The following TMEM156 variants were observed in gnomAD, a reference collection of about 807,000 sequenced individuals.
TMEM156 encodes transmembrane protein 156.
Under a neutral mutation model 30.5 loss-of-function variants are expected in TMEM156, and 28 were observed. The observed-to-expected ratio is 0.92, with a 90% CI of 0.68 to 1.26. TMEM156 has a LOEUF of 1.26. TMEM156 is among the 50% of genes most tolerant of loss of function. The pLI, the probability that TMEM156 is intolerant of heterozygous loss-of-function variation, is 0.00. For missense variants in TMEM156, 351 were observed against 340.6 expected (o/e 1.03, Z -0.24); for synonymous variants, 137 against 119.9 (o/e 1.14, Z -0.93).
intron 1 of TMEM156, among the ~76,000 whole-genome samples, chr4:39,007,826 C>G (rs1380244344): frequency 6.6e-6 from 1 of 152,034 alleles, no homozygotes; most frequent in Non-Finnish European, 1.5e-5. Flanking sequence ...AAATTTTCTC[C>G]ATTATGATCT....
At chr4:39,006,633 C>A (rs74837298) in intron 1 of TMEM156, among the ~76,000 whole-genome samples, 1,558 of 152,108 alleles carry the variant, frequency 0.01, 18 homozygotes, top group African/African-American at 0.034. Context: ...AATATACGGA[C>A]TGCCTGGGCA....
chr4:39,012,488 A>G (rs1261166618), intron 1 of TMEM156, among the ~76,000 whole-genome samples: 2 of 152,216 alleles, frequency 1.3e-5, no homozygotes, highest in East Asian at 3.8e-4. Context: ...TGCCAAAGCA[A>G]TTAGGAGAAA....
chr4:38,973,741 G>T (rs1722715638), intron 5 of TMEM156, among the ~76,000 whole-genome samples: 1 of 152,090 alleles, frequency 6.6e-6, no homozygotes, highest in African/African-American at 2.4e-5. Context: ...AGATAAAATG[G>T]CAGTAGTGGA....
chr4:38,989,396 G>A (rs976493676), intron 3 of TMEM156, among the ~76,000 whole-genome samples: 8 of 152,156 alleles, frequency 5.3e-5, no homozygotes, highest in African/African-American at 1.9e-4. Context: ...AAGGAAGATG[G>A]GGAAGAAAGA....
Position 38,993,974 on chromosome 4 carries a change from T to G in TMEM156, c.383A>C (p.Glu128Ala). 6.2e-7 allele frequency: 1 copy of G among 1,613,826 alleles called. No homozygotes were observed. Among genetic ancestry groups the G allele is most frequent in the Admixed American group, 1.7e-5 (1 of 60,014 alleles). The stretch of plus-strand genomic sequence containing the variant: ...TGAATGAAAATCATTTGCTTTCACT[T>G]CCATTGATCCTCTCCTGATAAGAAC... ...SKVLIRRGSMEVKANDFHSPC... is the reference protein window; with the variant it reads ...SKVLIRRGSMAVKANDFHSPC... Residue 128 changes from glutamate (E) to alanine (A), a missense_variant, in exon 3 of 7, where the codon GAA becomes GCA. Transcript: ENST00000381938.
intron 1 of TMEM156, among the ~76,000 whole-genome samples, chr4:38,999,126 T>A (rs1400335074): frequency 7.4e-6 from 1 of 135,694 alleles, no homozygotes; most frequent in Admixed American, 7.2e-5. Flanking sequence ...TTTTTTTTTT[T>A]TTTTTTTTGA....
rs1330704507 is a variant in TMEM156 at position 38,974,957 on chromosome 4, G to A, written c.824-3820C>T. On this transcript the variant is annotated intron_variant, in intron 5 of 6. Transcript: ENST00000381938. ...CAAAGTCCTGGGATTGCAGGCATGA[G>A]CCACCGCGCCTGATCTGAAGATTTT... Among the ~76,000 whole-genome samples the A allele has an allele frequency of 7.2e-5, 11 of 152,246 alleles. No individual in the cohort carries two copies. The South Asian group carries it at 2.1e-3, about 29-fold the overall frequency.
intron 5 of TMEM156, among the ~76,000 whole-genome samples, chr4:38,975,617 G>A (rs34008902): frequency 2.6e-5 from 4 of 151,564 alleles, no homozygotes; most frequent in African/African-American, 4.8e-5. Flanking sequence ...TTCTGATCTC[G>A]AGGCCTACCT....
At chr4:38,996,276 A>C (rs112537682) in intron 2 of TMEM156, among the ~76,000 whole-genome samples, 4 of 89,766 alleles carry the variant, frequency 4.5e-5, no homozygotes, top group African/African-American at 1.3e-4. Context: ...AAAAAAAAAA[A>C]GAACAGGTGC....
Position 38,998,570 on chromosome 4 carries a change from A to G in TMEM156, c.358+70T>C, listed in dbSNP as rs1057425046. 36 of 1,355,766 alleles carry G rather than the reference A, an allele frequency of 2.7e-5. No individual in the cohort carries two copies. In the African/African-American group the frequency reaches 4.6e-4, roughly 17 times the overall value. The allele number at this position is 1,355,766 out of a possible 1,614,324, so 84.0% of individuals were successfully genotyped here. A position where few individuals can be genotyped will look rare whatever the true frequency, so the allele number is the denominator to read the frequency against. ...AAAAAAAAAAAAGAATATATTATTA[A>G]TACGTTTTTAACAGAATAAATTAAT... On this transcript the variant is annotated intron_variant, in intron 2 of 6. Transcript: ENST00000381938.
chr4:38,976,429 C>T (rs1050632062), intron 5 of TMEM156, among the ~76,000 whole-genome samples: 3 of 152,106 alleles, frequency 2.0e-5, no homozygotes, highest in East Asian at 3.9e-4. Flanking sequence ...CAAGGCCCTC[C>T]GTACACAGCC....
chr4:39,005,562 G>A (rs13125737), intron 1 of TMEM156, among the ~76,000 whole-genome samples: 65,754 of 135,718 alleles, frequency 0.48, 14,425 homozygotes, highest in East Asian at 0.6. Flanking sequence ...TATCTTTATA[G>A]CAGTGTGAAA....
In TMEM156 at chr4:38,970,925, AT is replaced by A. The variant is rs1722566794; in HGVS notation, c.*38+106del. ...TATGAACTGACTTTGCAAATTCATC[AT>A]TTTCTACCTCCTACCAGATAGAAAT... On this transcript the variant is annotated intron_variant, in intron 6 of 6. Coordinates refer to ENST00000381938, the MANE Select transcript of TMEM156 (RefSeq NM_024943.3). 4.4e-6 allele frequency: 3 copies of A among 688,500 alleles called. No homozygotes were observed. In the African/African-American group the frequency reaches 5.4e-5, roughly 12 times the overall value. The allele number at this position is 688,500 out of a possible 1,614,324, so 42.6% of individuals were successfully genotyped here.
chr4:38,977,492 T>C (rs55979125), intron 5 of TMEM156, among the ~76,000 whole-genome samples: 2,741 of 152,264 alleles, frequency 0.018, 24 homozygotes, highest in African/African-American at 0.039. Context: ...CTTCTAAAAA[T>C]TGATTAAAAG....
chr4:39,009,878 G>C (rs1170191248), intron 1 of TMEM156, among the ~76,000 whole-genome samples: 1 of 152,060 alleles, frequency 6.6e-6, no homozygotes, highest in Non-Finnish European at 1.5e-5. Flanking sequence ...ATTCAACAAA[G>C]TACTGGAAGT....
intron 1 of TMEM156, among the ~76,000 whole-genome samples, chr4:39,027,551 C>CTTTTT (rs71192813): frequency 6.3e-5 from 5 of 79,016 alleles, no homozygotes; most frequent in Non-Finnish European, 1.2e-4. Context: ...TATACTATTC[C>CTTTTT]TTTTTTTTTT....
chr4:39,031,119 AAT>A (rs1175067935), intron 1 of TMEM156, among the ~76,000 whole-genome samples: 2 of 152,250 alleles, frequency 1.3e-5, no homozygotes. Context: ...CAAATAATCA[AAT>A]ATGAGTTTTT....
chr4:38,989,998 T>C (rs113756136), intron 3 of TMEM156, among the ~76,000 whole-genome samples: 1 of 152,276 alleles, frequency 6.6e-6, no homozygotes, highest in South Asian at 2.1e-4. Context: ...TTTCACCATG[T>C]TGGCCAGGCT....
Position 38,971,249 on chromosome 4 carries a change from G to C in TMEM156, c.824-112C>G, listed in dbSNP as rs533902227. 5.4e-5 allele frequency: 54 copies of C among 994,046 alleles called. 1 individual carries two copies. The South Asian group carries it at 8.3e-4, about 15-fold the overall frequency. 61.6% of individuals were successfully genotyped at this position (994,046 alleles called of 1,614,324 possible). A position where few individuals can be genotyped will look rare whatever the true frequency, so the allele number is the denominator to read the frequency against. On this transcript the variant is annotated intron_variant, in intron 5 of 6. Coordinates refer to ENST00000381938, the MANE Select transcript of TMEM156 (RefSeq NM_024943.3). ...AGAAGCATGCTCTACCTCTAGAAAG[G>C]ATTTTGGGACTTTCTACCCTCACTA... is the stretch of plus-strand genomic sequence containing the variant.
Sources: gnomAD v4.1 joint callset for allele counts (sites outside exome capture counted in the v4.1 genomes callset) on GRCh38, gnomAD v4.1.1 for gene constraint, MANE v1.5 for transcripts, NCBI Gene and HGNC (gene_info 2026-07-23, HGNC 2026-07-21) for gene names.